CHST15: variants seen among roughly 807,000 people sequenced by gnomAD.
CHST15 encodes the protein carbohydrate sulfotransferase 15, also known as B cell RAG associated protein (GALNAC4S-6ST).
A neutral mutation model predicts 53.6 loss-of-function variants in CHST15; 30 were observed. The observed-to-expected ratio is 0.56, with a 90% confidence interval of 0.42 to 0.76. The LOEUF (loss-of-function observed/expected upper bound fraction) is 0.76. Among genes scored for constraint, CHST15 ranks in the 30% least tolerant of loss-of-function variants. The probability of loss-of-function intolerance (pLI) is 0.00; values close to 1 mark genes in which losing one functional copy is unlikely to be tolerated. For synonymous variants in CHST15, 296 were observed against 289.8 expected (o/e 1.02, Z -0.22); for missense variants, 627 against 740.5 (o/e 0.85, Z 1.78).
At chr10:124,059,171 T>C (rs1445059201) in intron 1 of CHST15, among the ~76,000 whole-genome samples, 2 of 152,180 alleles carry the variant, frequency 1.3e-5, no homozygotes, top group Non-Finnish European at 2.9e-5. Flanking sequence ...TCAAAGTCAA[T>C]GTGGAAGGCT....
chr10:124,023,724 T>C (rs1229716477), intron 5 of CHST15, among the ~76,000 whole-genome samples: 5 of 152,010 alleles, frequency 3.3e-5, no homozygotes, highest in African/African-American at 1.2e-4. Flanking sequence ...TCCTCAAAGC[T>C]CTATACTTTC....
Position 124,060,839 on chromosome 10 carries a change from G to A in CHST15, c.-512-14115C>T, listed in dbSNP as rs193045060. Among the ~76,000 whole-genome samples, 1,177 of 152,288 alleles carry A rather than the reference G, an allele frequency of 7.7e-3. 16 individuals carry two copies. Among genetic ancestry groups the A allele is most frequent in the African/African-American group, 0.026 (1,088 of 41,556 alleles). ...GCTGCAAGCTGTCGGGGCCAGCCTG[G>A]GAAACCCCAGGGAGCTCTCACTGTC... On this transcript the variant is annotated intron_variant, in intron 1 of 7. Transcript: ENST00000435907.
chr10:124,087,380 G>A (rs1007047537), intron 1 of CHST15, among the ~76,000 whole-genome samples: 1 of 152,166 alleles, frequency 6.6e-6, no homozygotes, highest in African/African-American at 2.4e-5. Context: ...AAAAGGGTCC[G>A]GCAGGGGCGT....
At chr10:124,083,350 C>T (rs1050870621) in intron 1 of CHST15, among the ~76,000 whole-genome samples, 19 of 152,062 alleles carry the variant, frequency 1.2e-4, no homozygotes, top group African/African-American at 3.9e-4. Flanking sequence ...TTTTAAGGGC[C>T]GAAAGCAAAT....
At chr10:124,060,635 C>T (rs1469952213) in intron 1 of CHST15, among the ~76,000 whole-genome samples, 4 of 152,170 alleles carry the variant, frequency 2.6e-5, no homozygotes, top group Non-Finnish European at 4.4e-5. Context: ...TGTGCCAGCC[C>T]CTCTACCTCC....
At chr10:124,083,239 G>A (rs1426638640) in intron 1 of CHST15, among the ~76,000 whole-genome samples, 3 of 152,096 alleles carry the variant, frequency 2.0e-5, no homozygotes, top group Admixed American at 6.5e-5. Context: ...GTGATCCAGC[G>A]GGTGACTTCC....
intron 1 of CHST15, among the ~76,000 whole-genome samples, chr10:124,082,873 G>A (rs1034466829): frequency 2.0e-5 from 3 of 152,204 alleles, no homozygotes; most frequent in African/African-American, 7.2e-5. Flanking sequence ...GAGGAATTGG[G>A]CTGGACAGAG....
chr10:124,016,164 C>T (rs762778615), intron 6 of CHST15, among the ~76,000 whole-genome samples: 9 of 152,122 alleles, frequency 5.9e-5, no homozygotes, highest in Non-Finnish European at 8.8e-5. Flanking sequence ...GGGTGTGCTG[C>T]GGAACAGTGG....
intron 4 of CHST15, 43 bp downstream of exon 4, chr10:124,042,258 C>G: frequency 1.3e-6 from 2 of 1,576,958 alleles, no homozygotes; most frequent in Non-Finnish European, 8.7e-7. Context: ...GCCAGGACCC[C>G]AGGGAGGGTG....
chr10:124,060,050 C>T (rs1161874587), intron 1 of CHST15, among the ~76,000 whole-genome samples: 1 of 152,158 alleles, frequency 6.6e-6, no homozygotes, highest in African/African-American at 2.4e-5. Flanking sequence ...AGAACAGCTC[C>T]AGTACCAACC....
chr10:124,019,707 G>T lies in CHST15; in HGVS notation c.1347+1549C>A. Reference sequence around the variant, plus strand: ...GTGCCTCAGCCATGAACACAGTAGTGAGATATTCCTTTTCCACTCCTACAC... The same window carrying T: ...GTGCCTCAGCCATGAACACAGTAGTTAGATATTCCTTTTCCACTCCTACAC... On this transcript the variant is annotated intron_variant, in intron 6 of 7. Coordinates refer to ENST00000435907, the MANE Select transcript of CHST15 (RefSeq NM_001270764.2). This position sits in a 1 kb window ranked among gnomAD's most constrained non-coding sequence, Gnocchi z 4.6. The T allele has an allele frequency of 1.2e-6, 1 of 861,784 alleles. No individual in the cohort carries two copies. The highest frequency in any genetic ancestry group is 1.4e-6 in the Non-Finnish European group (1 of 716,856). 53.4% of individuals were successfully genotyped at this position (861,784 alleles called of 1,614,324 possible).
chr10:124,070,261 A>C (rs990206122), intron 1 of CHST15, among the ~76,000 whole-genome samples: 7 of 152,224 alleles, frequency 4.6e-5, no homozygotes, highest in Non-Finnish European at 8.8e-5. Flanking sequence ...CTCCCAAGGG[A>C]AATGCATATG....
chr10:124,045,004 G>C (rs1028242941), intron 2 of CHST15, 85 bp from the exon 3 acceptor site: 6 of 845,116 alleles, frequency 7.1e-6, no homozygotes, highest in African/African-American at 7.0e-5. Context: ...CCTGCCCTGA[G>C]ACTGACGACC....
At chr10:124,065,590 G>C (rs1030513178) in intron 1 of CHST15, among the ~76,000 whole-genome samples, 1 of 151,904 alleles carries the variant, frequency 6.6e-6, no homozygotes, top group Admixed American at 6.6e-5. Context: ...GCTACTCCCT[G>C]CCCCTCCCCC....
Position 124,036,578 on chromosome 10 carries a change from G to T in CHST15, c.1190+1937C>A, listed in dbSNP as rs928224094. Among the ~76,000 whole-genome samples the T allele has an allele frequency of 6.6e-6, 1 of 152,140 alleles. No individual in the cohort carries two copies. The highest frequency in any genetic ancestry group is 1.9e-4 in the East Asian group (1 of 5,188). ...GGACATCAGCTCAGAAGTGTGACCA[G>T]AGCAGACTTTAAAGCATGTTTCTGG... On this transcript the variant is annotated intron_variant, in intron 5 of 7. Transcript: ENST00000435907. The surrounding 1 kb of genome is among the most constrained non-coding windows in gnomAD (Gnocchi z 5.1).
chr10:124,049,791 C>A (rs778838467), intron 1 of CHST15, among the ~76,000 whole-genome samples: 2 of 152,162 alleles, frequency 1.3e-5, no homozygotes, highest in Non-Finnish European at 2.9e-5. Context: ...ATTACTGAAC[C>A]TGAGGAGGTT....
chr10:124,008,473 G>A lies in CHST15; in HGVS notation c.*1676C>T. ...GCGGCTGCTCCCAGTGCCGGCTATA[G>A]AGAAGGTGGGGACTGTCCCTGCAAG... On this transcript the variant is annotated 3_prime_UTR_variant, in exon 8 of 8. Coordinates refer to ENST00000435907, the MANE Select transcript of CHST15 (RefSeq NM_001270764.2). 1 of 991,234 alleles carries A rather than the reference G, an allele frequency of 1.0e-6. No individual in the cohort carries two copies. Among genetic ancestry groups the A allele is most frequent in the Non-Finnish European group, 1.2e-6 (1 of 833,208 alleles). The allele number at this position is 991,234 out of a possible 1,614,324, so 61.4% of individuals were successfully genotyped here. A position where few individuals can be genotyped will look rare whatever the true frequency, so the allele number is the denominator to read the frequency against.
chr10:124,079,601 C>A (rs560645745), intron 1 of CHST15, among the ~76,000 whole-genome samples: 1 of 152,276 alleles, frequency 6.6e-6, no homozygotes, highest in South Asian at 2.1e-4. Flanking sequence ...GGGCCCACTC[C>A]CTCGCAGGTA....
intron 1 of CHST15, among the ~76,000 whole-genome samples, chr10:124,048,684 C>T (rs946993957): frequency 2.6e-5 from 4 of 152,256 alleles, no homozygotes; most frequent in East Asian, 3.9e-4. Flanking sequence ...AGGGCCAAGC[C>T]GGGGTTAAAA....
Sources: allele counts gnomAD v4.1 joint callset (sites outside exome capture counted in the v4.1 genomes callset), GRCh38; gene constraint gnomAD v4.1.1; non-coding constraint Gnocchi (gnomAD v3.1); transcripts MANE v1.5; gene names NCBI Gene and HGNC (gene_info 2026-07-23, HGNC 2026-07-21).